The following MED13L variants were observed in gnomAD, a reference collection of about 807,000 sequenced individuals.
The protein encoded by MED13L is mediator complex subunit 13L, also known as mediator of RNA polymerase II transcription subunit 13-like.
In MED13L, 7 loss-of-function variants were observed where a neutral mutation model predicts 220.9. That is an observed-to-expected ratio of 0.03 (90% CI 0.02 to 0.06). The LOEUF is 0.06. MED13L is among the 10% of genes least tolerant of loss of function. The pLI is 1.00. For synonymous variants in MED13L, 1,011 were observed against 1,015.2 expected (o/e 1.00, Z 0.08); for missense variants, 1,965 against 2,760.5 (o/e 0.71, Z 6.46).
In MED13L at chr12:115,983,298, A is replaced by G; in HGVS notation, c.4774T>C (p.Ser1592Pro). Residue 1592 changes from serine to proline, a missense_variant, in exon 21 of 31, where the codon TCT becomes CCT. Physicochemically the swap from Ser to Pro is moderately conservative, Grantham distance 74. Coordinates refer to ENST00000281928, the MANE Select transcript of MED13L (RefSeq NM_015335.5). Reference protein sequence around the residue: ...SSVPPVSSSASAPGISQISTT... With the variant: ...SSVPPVSSSAPAPGISQISTT... ...CTTATCTGGCTAATACCAGGAGCAG[A>G]GGCAGACGATGAGACCGGTGGCACA... 7 of 1,614,210 alleles carry G rather than the reference A, an allele frequency of 4.3e-6. No homozygotes were observed. Among genetic ancestry groups the G allele is most frequent in the Non-Finnish European group, 5.9e-6 (7 of 1,180,028 alleles).
chr12:116,224,290 C>T (rs887552923), intron 2 of MED13L, among the ~76,000 whole-genome samples: 3 of 152,208 alleles, frequency 2.0e-5, no homozygotes, highest in South Asian at 4.1e-4. Context: ...TCAAACTTCC[C>T]TACTGTAGAT....
At chr12:116,019,143 T>C (rs1437598211) in intron 7 of MED13L, 81 bp downstream of exon 7, 1 of 1,406,012 alleles carries the variant, frequency 7.1e-7, no homozygotes, top group Non-Finnish European at 9.7e-7. Flanking sequence ...GAATTTCTGT[T>C]TTCTCACCTG....
intron 4 of MED13L, among the ~76,000 whole-genome samples, chr12:116,024,777 G>T (rs1187461773): frequency 2.1e-5 from 2 of 96,290 alleles, no homozygotes; most frequent in African/African-American, 4.1e-5. Flanking sequence ...GCGGGGCGGG[G>T]GGGGGGGGGA....
intron 14 of MED13L, among the ~76,000 whole-genome samples, chr12:116,000,928 G>A (rs1200376083): frequency 6.6e-6 from 1 of 150,572 alleles, no homozygotes; most frequent in Non-Finnish European, 1.5e-5. Flanking sequence ...AACATACACT[G>A]TATTCCCAAA....
intron 2 of MED13L, among the ~76,000 whole-genome samples, chr12:116,134,094 A>C (rs904397815): frequency 6.6e-6 from 1 of 152,186 alleles, no homozygotes; most frequent in African/African-American, 2.4e-5. Context: ...AGGCATAATA[A>C]AATAAACTGT....
intron 1 of MED13L, among the ~76,000 whole-genome samples, chr12:116,248,426 A>T (rs1871256604): frequency 6.6e-6 from 1 of 152,154 alleles, no homozygotes. Flanking sequence ...GCTGGTCAAT[A>T]CTAGATTAGG....
rs1443750971 is a variant in MED13L, at chr12:115,961,137, A to G, written c.*129T>C. 1.7e-6 allele frequency: 2 copies of G among 1,195,730 alleles called. No homozygotes were observed. Among genetic ancestry groups the G allele is most frequent in the Admixed American group, 1.8e-5 (1 of 54,842 alleles). 74.1% of individuals were successfully genotyped at this position (1,195,730 alleles called of 1,614,324 possible). ...ATTGACATGTGCCTGCTGAGAAGGA[A>G]TCACAGTGCAGGACTGTGGAGAGTG... On this transcript the variant is annotated 3_prime_UTR_variant, in exon 31 of 31. Transcript: ENST00000281928.
chr12:116,208,486 G>A (rs1882496055), intron 2 of MED13L, among the ~76,000 whole-genome samples: 1 of 152,182 alleles, frequency 6.6e-6, no homozygotes, highest in South Asian at 2.1e-4. Flanking sequence ...GGAACTCACA[G>A]GTCATCTTTG....
At chr12:116,135,479 G>A (rs866166456) in intron 2 of MED13L, among the ~76,000 whole-genome samples, 4 of 152,148 alleles carry the variant, frequency 2.6e-5, no homozygotes, top group Admixed American at 1.3e-4. Flanking sequence ...GCTGAAGGTC[G>A]AGACATCACA....
At chr12:115,974,042 T>TAA (rs35316617) in intron 25 of MED13L, among the ~76,000 whole-genome samples, 1 of 145,246 alleles carries the variant, frequency 6.9e-6, no homozygotes, top group South Asian at 2.2e-4. Flanking sequence ...GAATTTCCTA[T>TAA]AAAAAAAAAA....
intron 3 of MED13L, among the ~76,000 whole-genome samples, chr12:116,098,871 C>T (rs1872831839): frequency 6.6e-6 from 1 of 152,058 alleles, no homozygotes; most frequent in Admixed American, 6.5e-5. Context: ...ATTCAAGAAG[C>T]AAAACTGAAA....
chr12:116,262,781 A>T (rs1468461978), intron 1 of MED13L, among the ~76,000 whole-genome samples: 1 of 152,216 alleles, frequency 6.6e-6, no homozygotes, highest in Non-Finnish European at 1.5e-5. Flanking sequence ...TAAATGTTAT[A>T]GGATCTTGCA....
At chr12:116,104,109 C>T (rs1425889317) in intron 3 of MED13L, among the ~76,000 whole-genome samples, 1 of 140,360 alleles carries the variant, frequency 7.1e-6, no homozygotes, top group East Asian at 2.3e-4. Context: ...CTCCCAGGTT[C>T]AAGTGATTCT....
At position 116,062,484 on chromosome 12, in the gene MED13L, C is replaced by G. The variant is rs564821923; in HGVS notation, c.479+34185G>C. On this transcript the variant is annotated intron_variant, in intron 4 of 30. Coordinates refer to ENST00000281928, the MANE Select transcript of MED13L (RefSeq NM_015335.5). ...TAGAATAGTGTCTCTCTCTCTCTCT[C>G]TGTGTTTTTTTTTTTTTTTTTTGAG... is the stretch of plus-strand genomic sequence containing the variant. 1.5e-3 allele frequency among the ~76,000 whole-genome samples: 191 copies of G among 123,600 alleles called. 2 individuals are homozygous for G. Among genetic ancestry groups the G allele is most frequent in the African/African-American group, 3.7e-3 (121 of 32,708 alleles). The allele number at this position is 123,600 out of a possible 152,430, so 81.1% of individuals were successfully genotyped here. A position where few individuals can be genotyped will look rare whatever the true frequency, so the allele number is the denominator to read the frequency against.
At chr12:116,269,490 A>AC (rs1873098557) in intron 1 of MED13L, among the ~76,000 whole-genome samples, 1 of 134,802 alleles carries the variant, frequency 7.4e-6, no homozygotes, top group African/African-American at 2.7e-5. Flanking sequence ...AAAAAAAAAG[A>AC]CACTAATGAA....
At chr12:116,209,072 C>T (rs1344355224) in intron 2 of MED13L, among the ~76,000 whole-genome samples, 3 of 152,138 alleles carry the variant, frequency 2.0e-5, no homozygotes, top group African/African-American at 7.2e-5. Flanking sequence ...CCCATCAAGC[C>T]TTCATTTGTA....
Position 116,008,755 on chromosome 12 carries a change from G to A in MED13L, c.1658C>T (p.Ser553Phe). Residue 553 changes from serine to phenylalanine, a missense_variant, in exon 10 of 31, where the codon TCC becomes TTC. By Grantham distance (155) the Ser-to-Phe change is radical. Transcript: ENST00000281928. ...AGGGCTGAGTGTTGGTGGCAGAGGGGATATAGGGGAATGAGGTGAATCCAT... is the reference window on the plus strand; with the variant it reads ...AGGGCTGAGTGTTGGTGGCAGAGGGAATATAGGGGAATGAGGTGAATCCAT... ...NPMDSPHSPI[S>F]PLPPTLSPQP... 6.2e-7 allele frequency: 1 copy of A among 1,614,020 alleles called. No homozygotes were observed. Among genetic ancestry groups the A allele is most frequent in the Non-Finnish European group, 8.5e-7 (1 of 1,180,002 alleles).
chr12:116,077,247 C>T (rs1870874595), intron 4 of MED13L, among the ~76,000 whole-genome samples: 1 of 152,148 alleles, frequency 6.6e-6, no homozygotes, highest in African/African-American at 2.4e-5. Context: ...GCTTTAAATG[C>T]TTATGTCTTA....
chr12:116,263,211 G>T (rs1051754459), intron 1 of MED13L, among the ~76,000 whole-genome samples: 2 of 151,650 alleles, frequency 1.3e-5, no homozygotes. Context: ...AATATCTATA[G>T]CTCTAGGATT....
Sources: gnomAD v4.1 joint callset for allele counts (sites outside exome capture counted in the v4.1 genomes callset) on GRCh38, gnomAD v4.1.1 for gene constraint, MANE v1.5 for transcripts, NCBI Gene and HGNC (gene_info 2026-07-23, HGNC 2026-07-21) for gene names.